The following PCDHA10 variants were observed in gnomAD, a reference collection of about 807,000 sequenced individuals.
PCDHA10 encodes the protein protocadherin alpha-10.
Under a neutral mutation model 61.2 loss-of-function variants are expected in PCDHA10, and 45 were observed. That is an observed-to-expected ratio of 0.74 (90% CI 0.58 to 0.94). The LOEUF (loss-of-function observed/expected upper bound fraction) is 0.94. Ranked by LOEUF, PCDHA10 falls within the 40% of genes least tolerant of loss-of-function variation. PCDHA10 has a pLI of 0.00. For synonymous variants in PCDHA10, 602 were observed against 548.8 expected (o/e 1.10, Z -1.35); for missense variants, 1,278 against 1,236.2 (o/e 1.03, Z -0.51).
At position 140,914,532 on chromosome 5, in the gene PCDHA10, A is replaced by G. The variant is rs1440968686; in HGVS notation, c.2388+56096A>G. ...GTCATGTTTTTTCATCCATTCAGCC[A>G]CTTTATTTCTTTTTATTGGAGAGTT... On this transcript the variant is annotated intron_variant, in intron 1 of 3. Coordinates refer to ENST00000307360, the MANE Select transcript of PCDHA10 (RefSeq NM_018901.4). Among the ~76,000 whole-genome samples the G allele has an allele frequency of 3.3e-5, 5 of 152,070 alleles. 1 individual carries two copies. Among genetic ancestry groups the G allele is most frequent in the Admixed American group, 3.3e-4 (5 of 15,252 alleles).
chr5:140,929,065 C>G, intron 1 of PCDHA10: 1 of 1,614,194 alleles, frequency 6.2e-7, no homozygotes. Context: ...TACAGAGGAT[C>G]TGAGGTATGG....
intron 1 of PCDHA10, chr5:140,967,218 C>G: frequency 6.2e-7 from 1 of 1,613,744 alleles, no homozygotes; most frequent in Non-Finnish European, 8.5e-7. Flanking sequence ...TTCCCGCGGC[C>G]CAACTACCAG....
chr5:140,961,155 G>A (rs1214072320), intron 1 of PCDHA10, among the ~76,000 whole-genome samples: 2 of 152,126 alleles, frequency 1.3e-5, no homozygotes, highest in Non-Finnish European at 2.9e-5. Context: ...TATTATTTCA[G>A]TACATATCTA....
chr5:140,955,215 C>A (rs1313314138), intron 1 of PCDHA10, among the ~76,000 whole-genome samples: 1 of 152,148 alleles, frequency 6.6e-6, no homozygotes, highest in Non-Finnish European at 1.5e-5. Flanking sequence ...TAGCATGATG[C>A]CTCCAGCTTT....
At chr5:140,912,243 AATCTCCTTTGATGAC>A (rs2075829981) in intron 1 of PCDHA10, among the ~76,000 whole-genome samples, 1 of 152,012 alleles carries the variant, frequency 6.6e-6, no homozygotes, top group Admixed American at 6.6e-5. Context: ...CTCAAATGTT[AATCTCCTTTGATGAC>A]ACCCTCACAG....
chr5:140,856,089 T>C lies in PCDHA10; in HGVS notation c.41T>C (p.Leu14Pro). The change falls in exon 1 of 4, where the codon CTG becomes CCG. Residue 14 changes from leucine to proline, a missense_variant. By Grantham distance (98) the Leu-to-Pro change is moderately conservative. Coordinates refer to ENST00000307360, the MANE Select transcript of PCDHA10 (RefSeq NM_018901.4). ...AGCTGCCTGGGGGTCCAGTGTCTGCTGCTCTCGCTTCTTCTCCTCGCAGCC... is the reference window on the plus strand; with the variant it reads ...AGCTGCCTGGGGGTCCAGTGTCTGCCGCTCTCGCTTCTTCTCCTCGCAGCC... ...RCSCLGVQCL[L>P]LSLLLLAAWE... 1 of 1,596,782 alleles carries C rather than the reference T, an allele frequency of 6.3e-7. No individual in the cohort carries two copies. Among genetic ancestry groups the C allele is most frequent in the Non-Finnish European group, 8.6e-7 (1 of 1,166,678 alleles).
intron 1 of PCDHA10, among the ~76,000 whole-genome samples, chr5:140,891,754 T>C (rs1221942340): frequency 6.6e-6 from 1 of 152,174 alleles, no homozygotes; most frequent in Non-Finnish European, 1.5e-5. Flanking sequence ...ACAACAGTGT[T>C]GGGAGGTGGG....
chr5:140,930,798 G>T (rs1339622831), intron 1 of PCDHA10, among the ~76,000 whole-genome samples: 1 of 152,094 alleles, frequency 6.6e-6, no homozygotes, highest in Non-Finnish European at 1.5e-5. Flanking sequence ...ATAGAATCCA[G>T]CATATAAGAT....
At chr5:140,872,211 T>C (rs2053549148) in intron 1 of PCDHA10, among the ~76,000 whole-genome samples, 1 of 152,218 alleles carries the variant, frequency 6.6e-6, no homozygotes, top group South Asian at 2.1e-4. Flanking sequence ...ATTCATTATA[T>C]ATGAAACAAT....
intron 1 of PCDHA10, chr5:140,968,408 A>G: frequency 6.2e-7 from 1 of 1,613,980 alleles, no homozygotes; most frequent in Non-Finnish European, 8.5e-7. Flanking sequence ...GTTCTTTGTG[A>G]CTGTGGAGGC....
Position 140,978,996 on chromosome 5 carries a change from A to C in PCDHA10, c.2436A>C (p.Ala812=). Residue 812 remains alanine, a synonymous_variant, in exon 2 of 4, where the codon GCA becomes GCC. Transcript: ENST00000307360. ...GGCGTTACTCTGCCTCCCTGAGAGC[A>C]GGCATGCACAGGTATGTATTTCCCT... ...PDWRYSASLR[A]GMHSSVHLEE... is the part of the protein sequence containing the mutation. 6.2e-7 allele frequency: 1 copy of C among 1,614,186 alleles called. No individual in the cohort carries two copies. The highest frequency in any genetic ancestry group is 8.5e-7 in the Non-Finnish European group (1 of 1,180,024).
chr5:140,969,238 A>G, intron 1 of PCDHA10: 3 of 1,614,222 alleles, frequency 1.9e-6, no homozygotes, highest in South Asian at 1.1e-5. Flanking sequence ...GAGCCCAAGC[A>G]GCAGTGACTG....
Position 140,856,499 on chromosome 5 carries a change from T to A in PCDHA10, c.451T>A (p.Phe151Ile). 6.3e-7 allele frequency: 1 copy of A among 1,598,458 alleles called. No homozygotes were observed. The highest frequency in any genetic ancestry group is 8.6e-7 in the Non-Finnish European group (1 of 1,167,934). The stretch of plus-strand genomic sequence containing the variant: ...TGAATCCAGACTGCTTGACTCTCGA[T>A]TTCCACTAGAAGGCGCATCTGATGC... ...IPESRLLDSR[F>I]PLEGASDADV... The change falls in exon 1 of 4, where the codon TTT (phenylalanine) becomes ATT (isoleucine). Residue 151 changes from phenylalanine to isoleucine, a missense_variant. Physicochemically the swap from Phe to Ile is conservative, Grantham distance 21. Transcript: ENST00000307360.
chr5:140,966,970 G>C, intron 1 of PCDHA10: 1 of 1,602,870 alleles, frequency 6.2e-7, no homozygotes, highest in Non-Finnish European at 8.5e-7. Flanking sequence ...TGGGGCTTGA[G>C]CTGCGGCGCT....
At chr5:140,940,508 G>A (rs1171264265) in intron 1 of PCDHA10, among the ~76,000 whole-genome samples, 2 of 151,902 alleles carry the variant, frequency 1.3e-5, no homozygotes, top group African/African-American at 4.8e-5. Context: ...CGTCGCTCAG[G>A]CGTGATCATA....
intron 1 of PCDHA10, among the ~76,000 whole-genome samples, chr5:140,924,207 T>C (rs2081717308): frequency 6.6e-6 from 1 of 152,198 alleles, no homozygotes. Flanking sequence ...AGAAATTTGG[T>C]GAAGAATAAG....
At chr5:140,874,058 T>C (rs1454224127) in intron 1 of PCDHA10, among the ~76,000 whole-genome samples, 1 of 152,234 alleles carries the variant, frequency 6.6e-6, no homozygotes, top group African/African-American at 2.4e-5. Context: ...TTAGACAATT[T>C]AAATAATTAG....
intron 1 of PCDHA10, among the ~76,000 whole-genome samples, chr5:140,918,860 A>G (rs1264660506): frequency 6.6e-6 from 1 of 152,218 alleles, no homozygotes; most frequent in Non-Finnish European, 1.5e-5. Context: ...TGCCTGAATC[A>G]TGAACTTTCA....
intron 3 of PCDHA10, among the ~76,000 whole-genome samples, chr5:141,004,282 G>T (rs1444607316): frequency 3.3e-5 from 5 of 152,190 alleles, no homozygotes; most frequent in African/African-American, 1.2e-4. Context: ...ACATGCTGCT[G>T]AGCTCTCAGA....
Sources: allele counts gnomAD v4.1 joint callset (sites outside exome capture counted in the v4.1 genomes callset), GRCh38; gene constraint gnomAD v4.1.1; transcripts MANE v1.5; gene names NCBI Gene and HGNC (gene_info 2026-07-23, HGNC 2026-07-21).